ABCC11: variants seen among roughly 807,000 people sequenced by gnomAD.
ABCC11 encodes ATP-binding cassette sub-family C member 11.
Under a neutral mutation model 149.3 loss-of-function variants are expected in ABCC11, and 135 were observed. That is an observed-to-expected ratio of 0.90 (90% CI 0.79 to 1.04). The LOEUF (loss-of-function observed/expected upper bound fraction) is 1.04, where lower values mean the gene tolerates loss of function less well. Ranked by LOEUF, ABCC11 falls within the 50% of genes least tolerant of loss-of-function variation. The pLI is 0.00. For synonymous variants in ABCC11, 665 were observed against 671.4 expected, an observed-to-expected ratio of 0.99 and a Z score of 0.15; for missense variants, 1,680 against 1,722.1, an observed-to-expected ratio of 0.98 and a Z score of 0.43.
rs141337377 is a variant in ABCC11, at chr16:48,231,405, C to T, written c.99+418G>A. 7.8e-4 allele frequency among the ~76,000 whole-genome samples: 118 copies of T among 152,016 alleles called. 2 individuals are homozygous for T. In the East Asian group the frequency reaches 0.021, roughly 27 times the overall value. Reference sequence around the variant, plus strand: ...GAGTAGCTGGGTGGGGTGGCTCATGCTTGTAATCCCAGTGCTTTGGGAGGC... The same window carrying T: ...GAGTAGCTGGGTGGGGTGGCTCATGTTTGTAATCCCAGTGCTTTGGGAGGC... On this transcript the variant is annotated intron_variant, in intron 2 of 29. Coordinates refer to ENST00000356608, the MANE Select transcript of ABCC11 (RefSeq NM_001370497.1).
At chr16:48,199,886 G>A (rs189157300) in intron 15 of ABCC11, among the ~76,000 whole-genome samples, 1 of 151,880 alleles carries the variant, frequency 6.6e-6, no homozygotes, top group East Asian at 1.9e-4. Flanking sequence ...ACGTTGCCCA[G>A]GCTGGTCTTG....
chr16:48,246,758 A>G (rs1354772911), intron 1 of ABCC11, among the ~76,000 whole-genome samples: 1 of 152,026 alleles, frequency 6.6e-6, no homozygotes, highest in Non-Finnish European at 1.5e-5. Flanking sequence ...AATTTTTTGT[A>G]GAAATGGGGT....
rs79250353 is a variant in ABCC11 at position 48,171,358 on chromosome 16, G to A, written c.3699-391C>T. ...GACTTTTCAGGCTACCATGGGAGAC[G>A]TGCGGAGAGATTGCAACCATCCTCC... On this transcript the variant is annotated intron_variant, in intron 26 of 29. Transcript: ENST00000356608. Among the ~76,000 whole-genome samples the A allele has an allele frequency of 6.6e-3, 1,007 of 152,298 alleles. 13 individuals carry two copies. Among genetic ancestry groups the A allele is most frequent in the African/African-American group, 0.023 (945 of 41,560 alleles).
intron 22 of ABCC11, among the ~76,000 whole-genome samples, chr16:48,185,960 C>T (rs1267803646): frequency 6.6e-6 from 1 of 152,188 alleles, no homozygotes; most frequent in Admixed American, 6.5e-5. Context: ...ACCCACACTT[C>T]ATCTCAGGGT....
chr16:48,205,676 G>T (rs1428128785), intron 12 of ABCC11, 139 bp from the exon 13 acceptor site: 3 of 1,102,800 alleles, frequency 2.7e-6, no homozygotes, highest in African/African-American at 3.2e-5. Flanking sequence ...CTTTTAATGT[G>T]GCCCTACCAG....
intron 26 of ABCC11, among the ~76,000 whole-genome samples, chr16:48,173,706 C>A (rs901784810): frequency 2.0e-5 from 3 of 152,172 alleles, no homozygotes; most frequent in Non-Finnish European, 2.9e-5. Flanking sequence ...CTCACTGCAA[C>A]CTCCACCTCC....
chr16:48,208,369 T>C, intron 12 of ABCC11, 56 bp downstream of exon 12: 2 of 1,607,628 alleles, frequency 1.2e-6, no homozygotes, highest in Non-Finnish European at 1.7e-6. Flanking sequence ...GCACTGGAGC[T>C]TGGGAGGGCC....
chr16:48,214,658 C>T (rs866087974), intron 9 of ABCC11, among the ~76,000 whole-genome samples: 2 of 152,210 alleles, frequency 1.3e-5, no homozygotes, highest in African/African-American at 2.4e-5. Context: ...CCCACACCCC[C>T]GATGGTTCTG....
chr16:48,205,265 A>G (rs1968331782), intron 13 of ABCC11, 148 bp downstream of exon 13: 16 of 1,253,234 alleles, frequency 1.3e-5, no homozygotes, highest in Non-Finnish European at 1.6e-5. Flanking sequence ...ATATGATGGT[A>G]TTTCTTTCAC....
chr16:48,200,154 A>G, intron 15 of ABCC11, 122 bp downstream of exon 15: 1 of 1,010,012 alleles, frequency 9.9e-7, no homozygotes, highest in Non-Finnish European at 1.4e-6. Flanking sequence ...AATGTGGAGG[A>G]GTCTAACCTG....
chr16:48,188,911 A>G (rs1015965244), intron 20 of ABCC11, among the ~76,000 whole-genome samples: 2 of 152,250 alleles, frequency 1.3e-5, no homozygotes, highest in Non-Finnish European at 2.9e-5. Flanking sequence ...AGAGGAGGGA[A>G]GGACATTTTG....
chr16:48,190,622 C>T (rs138468099), intron 20 of ABCC11, among the ~76,000 whole-genome samples: 6 of 152,308 alleles, frequency 3.9e-5, no homozygotes, highest in African/African-American at 1.4e-4. Context: ...CCTCAGGCCT[C>T]CCAAAATGCT....
intron 13 of ABCC11, among the ~76,000 whole-genome samples, chr16:48,203,746 T>C (rs1968199466): frequency 1.3e-5 from 2 of 152,150 alleles, no homozygotes; most frequent in Admixed American, 1.3e-4. Context: ...TGCGTGCCTG[T>C]AGTCCCAGCT....
chr16:48,236,017 G>T, intron 1 of ABCC11, among the ~76,000 whole-genome samples: 1 of 152,192 alleles, frequency 6.6e-6, no homozygotes, highest in East Asian at 1.9e-4. Flanking sequence ...TTAAGGAAGT[G>T]TCCAGGGCAA....
intron 25 of ABCC11, chr16:48,176,057 G>A (rs1966048754): frequency 6.6e-6 from 1 of 152,360 alleles, no homozygotes; most frequent in East Asian, 1.9e-4. Flanking sequence ...AATGAATATA[G>A]GCAGTAGGGT....
At chr16:48,180,107 A>G (rs1966335755) in intron 23 of ABCC11, among the ~76,000 whole-genome samples, 2 of 152,324 alleles carry the variant, frequency 1.3e-5, no homozygotes, top group African/African-American at 4.8e-5. Context: ...TGGTGGTCTT[A>G]TGCTTCAGGG....
In ABCC11 at chr16:48,196,303, G is replaced by A. The variant is rs1480680745; in HGVS notation, c.2333C>T (p.Thr778Ile). 3 of 1,613,954 alleles carry A rather than the reference G, an allele frequency of 1.9e-6. No individual in the cohort carries two copies. The highest frequency in any genetic ancestry group is 2.7e-5 in the African/African-American group (2 of 74,926). ...GCCTTCTTCCATCTCCTCCTCCTGT[G>A]TGAGCTGATGCTCCGGCACTGGGTC... ...NGNAVPEHQL[T>I]QEEEMEEGSL... Residue 778 changes from threonine to isoleucine, a missense_variant, in exon 18 of 30, where the codon ACA (threonine) becomes ATA (isoleucine). Physicochemically the swap from Thr to Ile is moderately conservative, Grantham distance 89. Transcript: ENST00000356608.
chr16:48,207,360 G>A (rs1222696105), intron 12 of ABCC11, among the ~76,000 whole-genome samples: 1 of 152,148 alleles, frequency 6.6e-6, no homozygotes, highest in African/African-American at 2.4e-5. Context: ...AATGGGTTTG[G>A]GGTTTTTTTG....
At position 48,224,380 on chromosome 16, in the gene ABCC11, C is replaced by G; in HGVS notation, c.445G>C (p.Ala149Pro). ...CTCAGCATCACCAGAAGCACTGAAG[C>G]TTTTTCAATCCCTCGCCTTGAGACT... is the stretch of plus-strand genomic sequence containing the variant. Reference protein sequence around the residue: ...EEVSRRGIEKASVLLVMLRFQ... With the variant: ...EEVSRRGIEKPSVLLVMLRFQ... Residue 149 changes from alanine to proline, a missense_variant, in exon 5 of 30, where the codon GCT becomes CCT. By Grantham distance (27) the Ala-to-Pro change is conservative (BLOSUM62 -1). Transcript: ENST00000356608. The G allele has an allele frequency of 6.2e-7, 1 of 1,614,160 alleles. No homozygotes were observed. The highest frequency in any genetic ancestry group is 8.5e-7 in the Non-Finnish European group (1 of 1,180,016).
Sources: gnomAD v4.1 joint callset for allele counts (sites outside exome capture counted in the v4.1 genomes callset) on GRCh38, gnomAD v4.1.1 for gene constraint, MANE v1.5 for transcripts, NCBI Gene and HGNC (gene_info 2026-07-23, HGNC 2026-07-21) for gene names.